Variants in NCKAP5 observed in about 807,000 individuals in gnomAD.
NCKAP5 encodes nck-associated protein 5.
NCKAP5 carries 92 observed loss-of-function variants against 167.0 expected under a neutral mutation model. The observed-to-expected ratio is 0.55, with a 90% CI of 0.47 to 0.66. The LOEUF is 0.66. NCKAP5 is among the 30% of genes least tolerant of loss of function. The pLI, the probability that NCKAP5 is intolerant of heterozygous loss-of-function variation, is 0.00. For synonymous variants in NCKAP5, 891 were observed against 877.4 expected, an observed-to-expected ratio of 1.02 and a Z score of -0.27; for missense variants, 2,378 against 2,315.0, an observed-to-expected ratio of 1.03 and a Z score of -0.56.
chr2:133,415,192 G>A (rs1191818110), intron 3 of NCKAP5, among the ~76,000 whole-genome samples: 1 of 152,218 alleles, frequency 6.6e-6, no homozygotes, highest in Non-Finnish European at 1.5e-5. Context: ...TTTGTACCAT[G>A]TCATGGCCAA....
intron 3 of NCKAP5, among the ~76,000 whole-genome samples, chr2:133,351,488 A>G (rs1370450656): frequency 2.0e-5 from 3 of 152,164 alleles, no homozygotes; most frequent in Non-Finnish European, 2.9e-5. Context: ...TGAGGGTTGA[A>G]TGAGAAAATG....
rs140207402 is a variant in NCKAP5 at position 133,210,901 on chromosome 2, C to T, written c.207+2815G>A. 6.5e-4 allele frequency among the ~76,000 whole-genome samples: 99 copies of T among 152,078 alleles called. 4 individuals are homozygous for T. In the East Asian group the frequency reaches 9.9e-3, roughly 15 times the overall value. ...TAAGTTCAATCACTTAATACTTAGGCCTTGTTAGAAGCCCTCCAATGGTTC... is the reference window on the plus strand; with the variant it reads ...TAAGTTCAATCACTTAATACTTAGGTCTTGTTAGAAGCCCTCCAATGGTTC... On this transcript the variant is annotated intron_variant, in intron 5 of 19. Coordinates refer to ENST00000409261, the MANE Select transcript of NCKAP5 (RefSeq NM_207363.3).
intron 16 of NCKAP5, among the ~76,000 whole-genome samples, chr2:132,737,148 A>C (rs1314924049): frequency 6.6e-6 from 1 of 152,152 alleles, no homozygotes; most frequent in Non-Finnish European, 1.5e-5. Flanking sequence ...GTTGAGGAAA[A>C]CACCAGTCCC....
intron 2 of NCKAP5, among the ~76,000 whole-genome samples, chr2:133,532,930 G>A (rs931620879): frequency 6.6e-6 from 1 of 152,264 alleles, no homozygotes; most frequent in East Asian, 1.9e-4. Context: ...ATACTTGCAG[G>A]TTCATAATTT....
chr2:133,265,754 C>T (rs1287234176), intron 4 of NCKAP5, among the ~76,000 whole-genome samples: 3 of 152,130 alleles, frequency 2.0e-5, no homozygotes, highest in African/African-American at 7.2e-5. Flanking sequence ...TGGGGACAGG[C>T]GCGCCCTGCT....
the NCKAP5 span, among the ~76,000 whole-genome samples, chr2:133,607,844 T>A: frequency 6.6e-6 from 1 of 152,154 alleles, no homozygotes. Context: ...CACTAGGAAA[T>A]CCCCACATAT....
chr2:132,820,856 G>C (rs933358391), intron 11 of NCKAP5, among the ~76,000 whole-genome samples: 1 of 152,206 alleles, frequency 6.6e-6, no homozygotes, highest in East Asian at 1.9e-4. Context: ...TTGTCATAAA[G>C]ATTTTGGAGG....
At chr2:133,434,902 G>T (rs1218253144) in intron 3 of NCKAP5, among the ~76,000 whole-genome samples, 1 of 152,172 alleles carries the variant, frequency 6.6e-6, no homozygotes. Flanking sequence ...ATGCACACCT[G>T]TACGTATCAG....
intron 8 of NCKAP5, among the ~76,000 whole-genome samples, chr2:132,918,469 G>A (rs1294719135): frequency 1.3e-5 from 2 of 151,580 alleles, no homozygotes; most frequent in Non-Finnish European, 2.9e-5. Flanking sequence ...GGTACATTCA[G>A]CATATATTTT....
intron 6 of NCKAP5, among the ~76,000 whole-genome samples, chr2:132,997,074 A>T (rs2077625218): frequency 1.3e-5 from 2 of 152,230 alleles, no homozygotes; most frequent in Non-Finnish European, 2.9e-5. Context: ...TCGTATGACA[A>T]ATTAAGGGCT....
intron 4 of NCKAP5, among the ~76,000 whole-genome samples, chr2:133,248,678 G>A (rs1367890380): frequency 6.6e-6 from 1 of 152,216 alleles, no homozygotes; most frequent in Non-Finnish European, 1.5e-5. Flanking sequence ...ATGTTGAGCT[G>A]CACTGCAGCT....
chr2:132,682,101 C>A (rs1180195622), intron 19 of NCKAP5, among the ~76,000 whole-genome samples: 1 of 152,110 alleles, frequency 6.6e-6, no homozygotes. Context: ...TTTATTGATC[C>A]TTATTCTAAA....
intron 3 of NCKAP5, among the ~76,000 whole-genome samples, chr2:133,430,350 T>G (rs1333084659): frequency 6.6e-6 from 1 of 152,180 alleles, no homozygotes; most frequent in Admixed American, 6.5e-5. Context: ...GAGAGTTTCT[T>G]TTGCTGTACA....
intron 5 of NCKAP5, among the ~76,000 whole-genome samples, chr2:133,140,769 G>A (rs1233156779): frequency 1.3e-5 from 2 of 148,292 alleles, no homozygotes; most frequent in Non-Finnish European, 3.0e-5. Flanking sequence ...ATATAAGTAA[G>A]CTTGTTAATA....
chr2:133,161,670 C>T (rs141366816), intron 5 of NCKAP5, among the ~76,000 whole-genome samples: 2 of 152,308 alleles, frequency 1.3e-5, no homozygotes, highest in African/African-American at 4.8e-5. Flanking sequence ...TGCTTTCTCC[C>T]AGCCCATGAA....
At chr2:133,604,257 G>A in the NCKAP5 span, among the ~76,000 whole-genome samples, 2 of 152,148 alleles carry the variant, frequency 1.3e-5, no homozygotes, top group African/African-American at 4.8e-5. Flanking sequence ...CCAGGCTGGT[G>A]TACAGTGGCA....
At chr2:132,692,221 C>T (rs1232039526) in intron 19 of NCKAP5, among the ~76,000 whole-genome samples, 1 of 151,892 alleles carries the variant, frequency 6.6e-6, no homozygotes, top group African/African-American at 2.4e-5. Context: ...TGGCTCACTG[C>T]AACCTCCACC....
Position 132,783,726 on chromosome 2 carries a change from A to G in NCKAP5, c.3085T>C (p.Phe1029Leu), listed in dbSNP as rs1433323420. 3 of 1,610,888 alleles carry G rather than the reference A, an allele frequency of 1.9e-6. No homozygotes were observed. The highest frequency in any genetic ancestry group is 2.5e-6 in the Non-Finnish European group (3 of 1,178,488). Residue 1029 changes from phenylalanine (F) to leucine (L), a missense_variant, in exon 14 of 20, where the codon TTC (phenylalanine) becomes CTC (leucine). By Grantham distance (22) the Phe-to-Leu change is conservative. This residue lies in a region of NCKAP5 where 1,325 missense variants were observed against 1,274.5 expected (regional missense o/e 1.04). Coordinates refer to ENST00000409261, the MANE Select transcript of NCKAP5 (RefSeq NM_207363.3). ...RCPAHAPSSS[F>L]TVMALGPPKV... The stretch of plus-strand genomic sequence containing the variant: ...GGAGGCCCCAGAGCCATTACGGTGA[A>G]GGAGCTGGAGGGGGCATGAGCAGGG...
intron 4 of NCKAP5, among the ~76,000 whole-genome samples, chr2:133,234,093 T>A (rs1465357433): frequency 6.6e-6 from 1 of 152,090 alleles, no homozygotes; most frequent in Non-Finnish European, 1.5e-5. Context: ...TAAGGGAGGA[T>A]CGCATGAGAG....
Sources: gnomAD v4.1 joint callset for allele counts (sites outside exome capture counted in the v4.1 genomes callset) on GRCh38, gnomAD v4.1.1 for gene constraint, gnomAD v4.1.1 regional missense constraint, MANE v1.5 for transcripts, NCBI Gene and HGNC (gene_info 2026-07-23, HGNC 2026-07-21) for gene names.